Variants in GBF1 observed in about 807,000 individuals in gnomAD.
GBF1 encodes the protein Golgi-specific brefeldin A-resistance guanine nucleotide exchange factor 1.
A neutral mutation model predicts 210.5 loss-of-function variants in GBF1; 114 were observed. The observed-to-expected ratio is 0.54, with a 90% CI of 0.47 to 0.63. The LOEUF is 0.63. Among genes scored for constraint, GBF1 ranks in the 30% least tolerant of loss-of-function variants. The pLI, the probability that GBF1 is intolerant of heterozygous loss-of-function variation, is 0.00. For synonymous variants in GBF1, 850 were observed against 889.2 expected, an observed-to-expected ratio of 0.96 and a Z score of 0.78; for missense variants, 1,851 against 2,357.7, an observed-to-expected ratio of 0.79 and a Z score of 4.45.
intron 6 of GBF1, 26 bp downstream of exon 6, chr10:102,351,977 C>A: frequency 8.2e-7 from 1 of 1,225,170 alleles, no homozygotes; most frequent in African/African-American, 1.5e-5. Flanking sequence ...TTAGCCCCTT[C>A]ACCATTCCTG....
chr10:102,247,524 T>C (rs141326627), intron 1 of GBF1, among the ~76,000 whole-genome samples: 3 of 152,216 alleles, frequency 2.0e-5, no homozygotes, highest in East Asian at 1.9e-4. Context: ...TGAGTTGATA[T>C]GCTTTGCATA....
Position 102,365,603 on chromosome 10 carries a change from A to T in GBF1, c.2309+4A>T, listed in dbSNP as rs1183498421. On this transcript the variant is annotated splice_donor_region_variant and intron_variant, in intron 18 of 39. Transcript: ENST00000369983. ...ACCTGTTGGAGAGCTTTGTGAGGTG[A>T]GGAAGCTGTAAGAAATGTGGGATAT... The T allele has an allele frequency of 6.2e-7, 1 of 1,612,714 alleles. No individual in the cohort carries two copies. The highest frequency in any genetic ancestry group is 2.2e-5 in the East Asian group (1 of 44,888).
chr10:102,358,211 T>C, intron 9 of GBF1, 25 bp downstream of exon 9: 2 of 1,594,910 alleles, frequency 1.3e-6, no homozygotes, highest in Middle Eastern at 3.3e-4. Context: ...CTACTTCCTC[T>C]GATTAGACAA....
intron 1 of GBF1, among the ~76,000 whole-genome samples, chr10:102,251,750 C>T (rs180913670): frequency 6.6e-6 from 1 of 152,034 alleles, no homozygotes; most frequent in East Asian, 1.9e-4. Flanking sequence ...GAGACAGGGT[C>T]TCGCCATGTT....
At chr10:102,368,649 TG>T in intron 22 of GBF1, 89 bp from the exon 23 acceptor site, 2 of 944,468 alleles carry the variant, frequency 2.1e-6, no homozygotes, top group Non-Finnish European at 1.7e-6. Flanking sequence ...TGGGACTGAC[TG>T]GGGAAGAGCC....
intron 3 of GBF1, among the ~76,000 whole-genome samples, chr10:102,312,185 A>G (rs542556105): frequency 6.6e-6 from 1 of 151,964 alleles, no homozygotes; most frequent in East Asian, 1.9e-4. Flanking sequence ...CATCTATTCA[A>G]TGGAGGCCGA....
At chr10:102,300,145 A>G (rs1317865632) in intron 3 of GBF1, among the ~76,000 whole-genome samples, 1 of 152,222 alleles carries the variant, frequency 6.6e-6, no homozygotes, top group African/African-American at 2.4e-5. Flanking sequence ...GGCTGCATAT[A>G]CAGTTCCCTT....
chr10:102,244,125 C>G (rs1474246478), upstream of GBF1, among the ~76,000 whole-genome samples: 1 of 152,002 alleles, frequency 6.6e-6, no homozygotes, highest in African/African-American at 2.4e-5. Flanking sequence ...GCAAGACTCT[C>G]TCAAAACAAA....
intron 3 of GBF1, among the ~76,000 whole-genome samples, chr10:102,280,022 G>A (rs1187310834): frequency 1.3e-5 from 2 of 151,982 alleles, no homozygotes; most frequent in Non-Finnish European, 2.9e-5. Context: ...TACTTGAGAG[G>A]CTAAGACAGG....
In GBF1 at chr10:102,321,760, C is replaced by T. The variant is rs1480745080; in HGVS notation, c.164-22291C>T. 2.6e-5 allele frequency among the ~76,000 whole-genome samples: 4 copies of T among 152,196 alleles called. No homozygotes were observed. In the Middle Eastern group the frequency reaches 0.01, roughly 388 times the overall value. On this transcript the variant is annotated intron_variant, in intron 3 of 39. Transcript: ENST00000369983. ...AATTTTTTGTAGAGACGGGGTTTCG[C>T]CATGTTGCCCAAGCTGGCCTTAAAC...
At chr10:102,349,496 G>A (rs984949771) in intron 4 of GBF1, among the ~76,000 whole-genome samples, 4 of 152,232 alleles carry the variant, frequency 2.6e-5, no homozygotes, top group South Asian at 2.1e-4. Flanking sequence ...CATGCCACTG[G>A]ACTCCATCTG....
In GBF1 at chr10:102,360,379, G is replaced by C; in HGVS notation, c.1376G>C (p.Cys459Ser). The C allele has an allele frequency of 6.2e-7, 1 of 1,609,240 alleles. No individual in the cohort carries two copies. The highest frequency in any genetic ancestry group is 8.5e-7 in the Non-Finnish European group (1 of 1,175,620). ...TTGGGCCTCATCAAGGATGAGATGTGCCGTCACTTATTCCAGGTAAGACAA... is the reference window on the plus strand; with the variant it reads ...TTGGGCCTCATCAAGGATGAGATGTCCCGTCACTTATTCCAGGTAAGACAA... ...TLLGLIKDEM[C>S]RHLFQLLSIE... is the part of the protein sequence containing the mutation. Residue 459 changes from cysteine (C) to serine (S), a missense_variant, in exon 12 of 40, where the codon TGC becomes TCC. This residue lies in a region of GBF1 where 804 missense variants were observed against 958.6 expected (regional missense o/e 0.84). Coordinates refer to ENST00000369983, the MANE Select transcript of GBF1 (RefSeq NM_001377137.1).
At chr10:102,292,237 T>C (rs1402747072) in intron 3 of GBF1, among the ~76,000 whole-genome samples, 1 of 151,980 alleles carries the variant, frequency 6.6e-6, no homozygotes, top group Non-Finnish European at 1.5e-5. Flanking sequence ...CTTTGGCCTT[T>C]CCATTTTCTT....
At chr10:102,332,780 A>G (rs747033887) in intron 3 of GBF1, among the ~76,000 whole-genome samples, 5 of 152,344 alleles carry the variant, frequency 3.3e-5, no homozygotes, top group East Asian at 1.9e-4. Flanking sequence ...TGATGCAGCA[A>G]TGATTAAGCC....
intron 3 of GBF1, among the ~76,000 whole-genome samples, chr10:102,323,560 C>T (rs928614068): frequency 6.7e-6 from 1 of 150,252 alleles, no homozygotes; most frequent in Non-Finnish European, 1.5e-5. Flanking sequence ...AGCATGTTTG[C>T]ACTTTTTTTT....
chr10:102,240,388 AC>A (rs1234982619), upstream of GBF1, among the ~76,000 whole-genome samples: 1 of 152,186 alleles, frequency 6.6e-6, no homozygotes, highest in Non-Finnish European at 1.5e-5. Flanking sequence ...AGCCCACCTC[AC>A]CCCAAGGCCA....
At chr10:102,270,072 G>A (rs1337125791) in intron 3 of GBF1, among the ~76,000 whole-genome samples, 3 of 151,752 alleles carry the variant, frequency 2.0e-5, no homozygotes, top group South Asian at 4.2e-4. Flanking sequence ...TAGAGATGGC[G>A]TTTCACCATG....
chr10:102,277,994 T>A (rs1012155239), intron 3 of GBF1, among the ~76,000 whole-genome samples: 2 of 152,190 alleles, frequency 1.3e-5, no homozygotes, highest in African/African-American at 4.8e-5. Context: ...CAGTGGTTTA[T>A]GCCTGTAATT....
upstream of GBF1, among the ~76,000 whole-genome samples, chr10:102,240,968 G>T (rs1211660554): frequency 6.6e-6 from 1 of 151,988 alleles, no homozygotes; most frequent in Non-Finnish European, 1.5e-5. Context: ...TCCCCCGCTG[G>T]CCAGGGCCTC....
Sources: gnomAD v4.1 joint callset for allele counts (sites outside exome capture counted in the v4.1 genomes callset) on GRCh38, gnomAD v4.1.1 for gene constraint, gnomAD v4.1.1 regional missense constraint, MANE v1.5 for transcripts, NCBI Gene and HGNC (gene_info 2026-07-23, HGNC 2026-07-21) for gene names.